The following NEGR1 variants were observed in gnomAD, a reference collection of about 807,000 sequenced individuals.
NEGR1 encodes the protein IgLON family member 4.
A neutral mutation model predicts 40.9 loss-of-function variants in NEGR1; 10 were observed. The observed-to-expected ratio is 0.24, with a 90% CI of 0.15 to 0.42. NEGR1 has a LOEUF of 0.42. NEGR1 is among the 10% of genes least tolerant of loss of function. The probability of loss-of-function intolerance (pLI) is 1.00; values close to 1 mark genes in which losing one functional copy is unlikely to be tolerated. For missense variants in NEGR1, 352 were observed against 438.9 expected (o/e 0.80, Z 1.77); for synonymous variants, 185 against 166.8 (o/e 1.11, Z -0.84).
chr1:71,863,405 A>G (rs1660012481), intron 2 of NEGR1, among the ~76,000 whole-genome samples: 1 of 152,116 alleles, frequency 6.6e-6, no homozygotes, highest in Non-Finnish European at 1.5e-5. Flanking sequence ...ATGAGAACAC[A>G]TGGACATAGA....
intron 6 of NEGR1, among the ~76,000 whole-genome samples, chr1:71,466,204 C>T (rs1036331951): frequency 5.3e-5 from 8 of 152,058 alleles, no homozygotes; most frequent in African/African-American, 1.9e-4. Context: ...TATGTAGGCA[C>T]TAAATGATAG....
intron 2 of NEGR1, among the ~76,000 whole-genome samples, chr1:71,791,275 T>C (rs1265193127): frequency 6.6e-6 from 1 of 152,004 alleles, no homozygotes; most frequent in Admixed American, 6.6e-5. Context: ...AAGCAAAAAT[T>C]TTAAAAACTC....
chr1:72,046,594 CT>C, intron 1 of NEGR1, among the ~76,000 whole-genome samples: 1 of 151,662 alleles, frequency 6.6e-6, no homozygotes, highest in Non-Finnish European at 1.5e-5. Flanking sequence ...ATGAAATAAT[CT>C]TTAGTTATTT....
intron 1 of NEGR1, among the ~76,000 whole-genome samples, chr1:72,189,581 T>C (rs753731543): frequency 7.9e-5 from 12 of 151,604 alleles, no homozygotes; most frequent in Non-Finnish European, 1.3e-4. Flanking sequence ...TTCGTATCTA[T>C]ATCTTGAGTG....
chr1:71,750,183 C>T (rs561304815), intron 3 of NEGR1, among the ~76,000 whole-genome samples: 3 of 151,762 alleles, frequency 2.0e-5, no homozygotes, highest in South Asian at 2.1e-4. Flanking sequence ...TTAGTAGAGA[C>T]GGGGTTTCAC....
At chr1:71,762,068 A>G (rs545585017) in intron 3 of NEGR1, among the ~76,000 whole-genome samples, 2 of 152,238 alleles carry the variant, frequency 1.3e-5, no homozygotes, top group African/African-American at 4.8e-5. Context: ...TAAGTTTTCT[A>G]TACTTTGCTG....
intron 3 of NEGR1, among the ~76,000 whole-genome samples, chr1:71,698,594 A>C (rs1287147798): frequency 1.3e-5 from 2 of 151,860 alleles, no homozygotes; most frequent in Non-Finnish European, 2.9e-5. Flanking sequence ...CAAGGATTCA[A>C]GTCAGATGTC....
At chr1:71,775,893 T>C (rs1283191162) in intron 3 of NEGR1, among the ~76,000 whole-genome samples, 3 of 151,570 alleles carry the variant, frequency 2.0e-5, no homozygotes, top group African/African-American at 7.3e-5. Flanking sequence ...CTCAGGAGGC[T>C]GAGGCAGGAG....
intron 2 of NEGR1, among the ~76,000 whole-genome samples, chr1:71,848,292 A>G (rs1480509510): frequency 1.3e-5 from 2 of 152,224 alleles, no homozygotes; most frequent in Non-Finnish European, 2.9e-5. Flanking sequence ...GGAGATGGCT[A>G]CACCAAACAA....
chr1:71,873,848 A>G (rs932793217), intron 2 of NEGR1, among the ~76,000 whole-genome samples: 12 of 152,166 alleles, frequency 7.9e-5, no homozygotes, highest in African/African-American at 2.7e-4. Context: ...ACAAAATCTC[A>G]TCTGTATGAC....
At chr1:72,002,858 C>G (rs939163208) in intron 1 of NEGR1, among the ~76,000 whole-genome samples, 1 of 152,060 alleles carries the variant, frequency 6.6e-6, no homozygotes, top group Non-Finnish European at 1.5e-5. Context: ...AAGGACACAT[C>G]GAATGTAAAA....
chr1:71,720,425 A>C (rs1439195659), intron 3 of NEGR1, among the ~76,000 whole-genome samples: 2 of 152,202 alleles, frequency 1.3e-5, no homozygotes, highest in African/African-American at 4.8e-5. Flanking sequence ...TTCATCAGCT[A>C]TCAAATACAT....
rs1557468453 is a variant in NEGR1, at chr1:71,984,255, C to G, written c.177-48944G>C. On this transcript the variant is annotated intron_variant, in intron 1 of 6. Coordinates refer to ENST00000357731, the MANE Select transcript of NEGR1 (RefSeq NM_173808.3). Reference sequence around the variant, plus strand: ...TACAATTACTTCAGGTCCTACTGCTCAACAGAATATTTATTCTGTTAAAAT... The same window carrying G: ...TACAATTACTTCAGGTCCTACTGCTGAACAGAATATTTATTCTGTTAAAAT... 1.6e-5 allele frequency among the ~76,000 whole-genome samples: 2 copies of G among 123,268 alleles called. 1 individual carries two copies. The highest frequency in any genetic ancestry group is 3.7e-5 in the Non-Finnish European group (2 of 53,888). 80.9% of individuals were successfully genotyped at this position (123,268 alleles called of 152,430 possible). A position where few individuals can be genotyped will look rare whatever the true frequency, so the allele number is the denominator to read the frequency against.
At chr1:71,869,496 C>A (rs1467515452) in intron 2 of NEGR1, among the ~76,000 whole-genome samples, 1 of 151,960 alleles carries the variant, frequency 6.6e-6, no homozygotes, top group East Asian at 1.9e-4. Context: ...ACAGATAGTC[C>A]ATAAGGGAAA....
chr1:71,430,194 A>G (rs1370450875), intron 6 of NEGR1, among the ~76,000 whole-genome samples: 4 of 152,120 alleles, frequency 2.6e-5, no homozygotes, highest in Admixed American at 2.0e-4. Flanking sequence ...CTTCTGGCAA[A>G]CTATGGCCAT....
chr1:71,851,826 G>A (rs764272259), intron 2 of NEGR1, among the ~76,000 whole-genome samples: 6 of 151,964 alleles, frequency 3.9e-5, no homozygotes, highest in East Asian at 1.9e-4. Flanking sequence ...TATTTAAACC[G>A]TGGATTTATA....
chr1:71,766,158 G>C (rs1656122044), intron 3 of NEGR1, among the ~76,000 whole-genome samples: 1 of 129,122 alleles, frequency 7.7e-6, no homozygotes, highest in Non-Finnish European at 1.6e-5. Flanking sequence ...GGGCAAGAGA[G>C]CAAGACTCCG....
At chr1:72,112,714 T>A (rs1341277379) in intron 1 of NEGR1, among the ~76,000 whole-genome samples, 1 of 151,470 alleles carries the variant, frequency 6.6e-6, no homozygotes. Flanking sequence ...GAAAGAGTGA[T>A]CTGAAGGTTA....
chr1:71,751,330 T>C (rs1367697952), intron 3 of NEGR1, among the ~76,000 whole-genome samples: 1 of 152,194 alleles, frequency 6.6e-6, no homozygotes. Flanking sequence ...TATTATAGTT[T>C]AGATTTCAGT....
Sources: allele counts gnomAD v4.1 joint callset (sites outside exome capture counted in the v4.1 genomes callset), GRCh38; gene constraint gnomAD v4.1.1; transcripts MANE v1.5; gene names NCBI Gene and HGNC (gene_info 2026-07-23, HGNC 2026-07-21).